GABRG3: variants seen among roughly 807,000 people sequenced by gnomAD.
GABRG3 encodes the protein gamma-aminobutyric acid type A receptor subunit gamma3.
Under a neutral mutation model 48.8 loss-of-function variants are expected in GABRG3, and 25 were observed. That is an observed-to-expected ratio of 0.51 (90% confidence interval 0.37 to 0.72). The LOEUF is 0.72. GABRG3 is among the 30% of genes least tolerant of loss of function. The pLI is 0.00. For synonymous variants in GABRG3, 227 were observed against 217.6 expected (o/e 1.04, Z -0.38); for missense variants, 394 against 577.9 (o/e 0.68, Z 3.26).
chr15:27,260,903 G>A (rs1193561441), intron 3 of GABRG3, among the ~76,000 whole-genome samples: 1 of 152,086 alleles, frequency 6.6e-6, no homozygotes, highest in African/African-American at 2.4e-5. Flanking sequence ...TGCACTGAGA[G>A]GTATGACACG....
chr15:27,482,742 T>G (rs1890130431), intron 6 of GABRG3, among the ~76,000 whole-genome samples: 1 of 152,212 alleles, frequency 6.6e-6, no homozygotes, highest in Admixed American at 6.5e-5. Context: ...TTTTCAAGCT[T>G]ATGTAAATAA....
chr15:27,480,242 A>G (rs1366930710), intron 5 of GABRG3, among the ~76,000 whole-genome samples: 4 of 152,216 alleles, frequency 2.6e-5, no homozygotes, highest in Non-Finnish European at 4.4e-5. Context: ...GATGGACTAC[A>G]TTTTGGGGAA....
chr15:27,458,128 C>T (rs1025357022), intron 5 of GABRG3, among the ~76,000 whole-genome samples: 4 of 152,138 alleles, frequency 2.6e-5, no homozygotes, highest in South Asian at 2.1e-4. Context: ...TGGACACTGG[C>T]GCACACACAG....
intron 3 of GABRG3, among the ~76,000 whole-genome samples, chr15:27,262,832 A>G (rs1290667162): frequency 6.6e-6 from 1 of 152,234 alleles, no homozygotes; most frequent in Non-Finnish European, 1.5e-5. Flanking sequence ...TTTTTAAATC[A>G]GCAAATAATT....
chr15:27,314,295 A>G (rs1893137431), intron 3 of GABRG3, among the ~76,000 whole-genome samples: 1 of 152,178 alleles, frequency 6.6e-6, no homozygotes, highest in Non-Finnish European at 1.5e-5. Context: ...CACACTGCCA[A>G]CAGGTATATG....
At chr15:27,123,720 C>G (rs1029578672) in intron 3 of GABRG3, among the ~76,000 whole-genome samples, 1 of 152,150 alleles carries the variant, frequency 6.6e-6, no homozygotes, top group Non-Finnish European at 1.5e-5. Context: ...AAATGACTCC[C>G]ATTCCAGCCC....
chr15:26,996,671 A>G (rs1381370107), intron 2 of GABRG3, among the ~76,000 whole-genome samples: 1 of 149,012 alleles, frequency 6.7e-6, no homozygotes, highest in African/African-American at 2.5e-5. Context: ...TTTTTTTGAG[A>G]CAGAGTCTTG....
intron 3 of GABRG3, among the ~76,000 whole-genome samples, chr15:27,307,825 C>CAAACATATAAA (rs1566772094): frequency 1.0e-4 from 4 of 38,740 alleles, no homozygotes; most frequent in African/African-American, 2.7e-4. Context: ...ATAAAATAAA[C>CAAACATATAAA]ATAAACATAT....
chr15:27,307,892 A>G (rs1892722179), intron 3 of GABRG3, among the ~76,000 whole-genome samples: 1 of 136,974 alleles, frequency 7.3e-6, no homozygotes, highest in South Asian at 2.3e-4. Context: ...TATATATAAA[A>G]TATATATAAA....
chr15:27,160,877 C>T (rs1464120159), intron 3 of GABRG3: 1 of 152,082 alleles, frequency 6.6e-6, no homozygotes, highest in Non-Finnish European at 1.5e-5. Flanking sequence ...AGAAGTACTG[C>T]TTGTTAGTAT....
intron 3 of GABRG3, among the ~76,000 whole-genome samples, chr15:27,136,507 C>G (rs1898010167): frequency 6.6e-6 from 1 of 152,064 alleles, no homozygotes; most frequent in African/African-American, 2.4e-5. Flanking sequence ...TTACCAGCTT[C>G]TGTTTAAAAG....
Position 26,971,563 on chromosome 15 carries a change from T to G in GABRG3, c.28T>G (p.Cys10Gly). 1 of 1,531,562 alleles carries G rather than the reference T, an allele frequency of 6.5e-7. No homozygotes were observed. The highest frequency in any genetic ancestry group is 1.2e-5 in the South Asian group (1 of 82,054). 94.9% of individuals were successfully genotyped at this position (1,531,562 alleles called of 1,614,324 possible). ...GGCCCCGAAGCTGCTGCTCCTCCTC[T>G]GCCTGTTCTCGGGCTTGCACGCGCG... MAPKLLLLL[C>G]LFSGLHARSR... is the part of the protein sequence containing the mutation. Residue 10 changes from cysteine (C) to glycine (G), a missense_variant, in exon 1 of 10, where the codon TGC becomes GGC. Cys to Gly is a radical substitution (Grantham distance 159). Transcript: ENST00000615808.
intron 3 of GABRG3, among the ~76,000 whole-genome samples, chr15:27,294,175 C>T (rs1251521429): frequency 6.6e-6 from 1 of 151,944 alleles, no homozygotes; most frequent in Admixed American, 6.6e-5. Context: ...AGCCCAGATC[C>T]CTGTCATCTG....
chr15:27,112,198 G>C (rs1897563599), intron 3 of GABRG3, among the ~76,000 whole-genome samples: 1 of 152,096 alleles, frequency 6.6e-6, no homozygotes, highest in Non-Finnish European at 1.5e-5. Context: ...GATCTTTGCA[G>C]TGTCTCTCAG....
intron 3 of GABRG3, among the ~76,000 whole-genome samples, chr15:27,030,330 T>C (rs1447625086): frequency 7.9e-5 from 12 of 152,230 alleles, no homozygotes; most frequent in Admixed American, 7.2e-4. Context: ...CTGCCTTTTA[T>C]TGATATTATT....
In GABRG3 at chr15:27,150,330, G is replaced by A. The variant is rs1387432291; in HGVS notation, c.270+123509G>A. ...TTTCATTTTGAACCTTATTGTGCTT[G>A]TGTAATGTTTGAATATTTTACAACC... On this transcript the variant is annotated intron_variant, in intron 3 of 9. Coordinates refer to ENST00000615808, the MANE Select transcript of GABRG3 (RefSeq NM_033223.5). Among the ~76,000 whole-genome samples the A allele has an allele frequency of 1.4e-4, 22 of 152,274 alleles. No individual in the cohort carries two copies. The East Asian group carries it at 3.9e-3, about 27-fold the overall frequency.
chr15:27,396,492 G>T (rs1887300706), intron 5 of GABRG3, among the ~76,000 whole-genome samples: 1 of 152,196 alleles, frequency 6.6e-6, no homozygotes, highest in Non-Finnish European at 1.5e-5. Context: ...AAAAATTGCA[G>T]AATAAATGCT....
At chr15:27,009,101 C>T (rs1319471438) in intron 2 of GABRG3, among the ~76,000 whole-genome samples, 1 of 152,126 alleles carries the variant, frequency 6.6e-6, no homozygotes, top group African/African-American at 2.4e-5. Context: ...GAAGACACTG[C>T]GTCCCCAGCT....
At chr15:27,006,065 A>G (rs1895577994) in intron 2 of GABRG3, among the ~76,000 whole-genome samples, 1 of 152,182 alleles carries the variant, frequency 6.6e-6, no homozygotes. Flanking sequence ...GATCTTGTAT[A>G]TAGTTATTGA....
Sources: allele counts gnomAD v4.1 joint callset (sites outside exome capture counted in the v4.1 genomes callset), GRCh38; gene constraint gnomAD v4.1.1; transcripts MANE v1.5; gene names NCBI Gene and HGNC (gene_info 2026-07-23, HGNC 2026-07-21).